GOLGA5: variants seen among roughly 807,000 people sequenced by gnomAD.
GOLGA5 encodes golgin subfamily A member 5.
In GOLGA5, 50 loss-of-function variants were observed where a neutral mutation model predicts 93.5. The observed-to-expected ratio is 0.53, with a 90% CI of 0.43 to 0.68. The LOEUF (loss-of-function observed/expected upper bound fraction) is 0.68, where lower values mean the gene tolerates loss of function less well. Among genes scored for constraint, GOLGA5 ranks in the 30% least tolerant of loss-of-function variants. The pLI is 0.00. For synonymous variants in GOLGA5, 312 were observed against 304.5 expected (o/e 1.02, Z -0.26); for missense variants, 760 against 856.4 (o/e 0.89, Z 1.40).
intron 6 of GOLGA5, among the ~76,000 whole-genome samples, chr14:92,815,480 G>C (rs1885183269): frequency 6.6e-6 from 1 of 152,094 alleles, no homozygotes; most frequent in African/African-American, 2.4e-5. Context: ...AGAACACTTA[G>C]CACCATTTAC....
At chr14:92,835,803 A>G in intron 11 of GOLGA5, 139 bp downstream of exon 11, 1 of 504,492 alleles carries the variant, frequency 2.0e-6, no homozygotes. Context: ...ATACTTATAT[A>G]CACTTTTATT....
At chr14:92,805,365 G>A (rs1383240174) in intron 2 of GOLGA5, among the ~76,000 whole-genome samples, 7 of 151,694 alleles carry the variant, frequency 4.6e-5, no homozygotes, top group African/African-American at 7.3e-5. Flanking sequence ...TCTATTATAC[G>A]GCTGTACCAC....
intron 2 of GOLGA5, among the ~76,000 whole-genome samples, chr14:92,800,771 A>G (rs746864673): frequency 7.2e-5 from 11 of 152,334 alleles, no homozygotes; most frequent in Non-Finnish European, 1.3e-4. Flanking sequence ...GTGTGATGCT[A>G]GTAGAGATCT....
chr14:92,822,660 C>T (rs2140328458), intron 8 of GOLGA5, among the ~76,000 whole-genome samples: 1 of 152,228 alleles, frequency 6.6e-6, no homozygotes, highest in South Asian at 2.1e-4. Context: ...TGTTGCCATG[C>T]AGAAGTTGAT....
In GOLGA5 at chr14:92,806,784, C is replaced by T. The variant is rs1228295574; in HGVS notation, c.593C>T (p.Ser198Leu). 2 of 1,613,934 alleles carry T rather than the reference C, an allele frequency of 1.2e-6. No individual in the cohort carries two copies. Among genetic ancestry groups the T allele is most frequent in the African/African-American group, 1.3e-5 (1 of 75,034 alleles). The change falls in exon 3 of 13, where the codon TCA becomes TTA. Residue 198 changes from serine (S) to leucine (L), a missense_variant. Coordinates refer to ENST00000163416, the MANE Select transcript of GOLGA5 (RefSeq NM_005113.4). ...DSSHEGQEES[S>L]KENVSSNAAC... is the part of the protein sequence containing the mutation. ...AGCCATGAAGGTCAAGAGGAATCTT[C>T]AAAGGAAAATGTGTCATCAAATGCT...
rs891447266 is a variant in GOLGA5 at position 92,797,754 on chromosome 14, C to T, written c.317C>T (p.Pro106Leu). The T allele has an allele frequency of 3.1e-6, 5 of 1,613,206 alleles. No homozygotes were observed. Among genetic ancestry groups the T allele is most frequent in the South Asian group, 2.2e-5 (2 of 91,014 alleles). The change falls in exon 2 of 13, where the codon CCT becomes CTT. Residue 106 changes from proline to leucine, a missense_variant. Transcript: ENST00000163416. ...GTTGAAAATGCATCTGTTCCTAGGC[C>T]TTCATCCCATTTTGTGCGAAGAAAA... ...HPVENASVPRPSSHFVRRKKS... is the reference protein window; with the variant it reads ...HPVENASVPRLSSHFVRRKKS...
chr14:92,824,849 T>G (rs945885888), intron 9 of GOLGA5, among the ~76,000 whole-genome samples: 7 of 152,232 alleles, frequency 4.6e-5, no homozygotes, highest in African/African-American at 1.4e-4. Flanking sequence ...TTGCTTCTTA[T>G]AGAAGTATCT....
intron 1 of GOLGA5, 141 bp downstream of exon 1, chr14:92,794,597 G>A (rs1884677538): frequency 6.6e-6 from 1 of 152,502 alleles, no homozygotes; most frequent in Non-Finnish European, 1.5e-5. Flanking sequence ...AGGGGCTGAG[G>A]AGGGTAACTG....
chr14:92,806,485 G>A (rs1884988578), intron 2 of GOLGA5, among the ~76,000 whole-genome samples: 1 of 151,998 alleles, frequency 6.6e-6, no homozygotes, highest in African/African-American at 2.4e-5. Flanking sequence ...GCTAATTTTT[G>A]TATTTTTGGT....
chr14:92,831,959 T>C (rs1885540147), intron 9 of GOLGA5, among the ~76,000 whole-genome samples: 1 of 152,186 alleles, frequency 6.6e-6, no homozygotes, highest in Admixed American at 6.5e-5. Context: ...AGCTAGGAAA[T>C]GTCAGAGCTG....
At chr14:92,812,632 A>C (rs1030130480) in intron 6 of GOLGA5, among the ~76,000 whole-genome samples, 1 of 152,110 alleles carries the variant, frequency 6.6e-6, no homozygotes, top group Non-Finnish European at 1.5e-5. Context: ...GACCTAAATA[A>C]ATATTCTCTG....
chr14:92,797,156 C>G (rs1223686869), intron 1 of GOLGA5, among the ~76,000 whole-genome samples: 1 of 151,812 alleles, frequency 6.6e-6, no homozygotes, highest in African/African-American at 2.4e-5. Context: ...TTATTATGTG[C>G]CAAGCATTTT....
chr14:92,837,360 T>TC, intron 11 of GOLGA5, 26 bp from the exon 12 acceptor site: 2 of 1,197,700 alleles, frequency 1.7e-6, no homozygotes, highest in Non-Finnish European at 2.4e-6. Context: ...CTCTCTCCTC[T>TC]CCCCCTCACA....
intron 6 of GOLGA5, among the ~76,000 whole-genome samples, chr14:92,812,804 A>G (rs892651240): frequency 7.2e-5 from 11 of 151,954 alleles, no homozygotes; most frequent in African/African-American, 2.7e-4. Flanking sequence ...GCTCTTCCCA[A>G]TCTCCAAAGA....
intron 8 of GOLGA5, among the ~76,000 whole-genome samples, chr14:92,822,554 T>G (rs1885337347): frequency 6.6e-6 from 1 of 152,228 alleles, no homozygotes; most frequent in Non-Finnish European, 1.5e-5. Flanking sequence ...TTAGCCTTTT[T>G]GGGGAGATTA....
chr14:92,807,750 G>A (rs766143873), intron 3 of GOLGA5, among the ~76,000 whole-genome samples: 11 of 152,206 alleles, frequency 7.2e-5, no homozygotes, highest in Non-Finnish European at 1.0e-4. Context: ...TAATTAAGAA[G>A]GAAATAATCT....
In GOLGA5 at chr14:92,827,738, G is replaced by A. The variant is rs147920782; in HGVS notation, c.1719+3094G>A. 3.6e-3 allele frequency among the ~76,000 whole-genome samples: 544 copies of A among 152,304 alleles called. 3 individuals carry two copies. The highest frequency in any genetic ancestry group is 0.012 in the African/African-American group (512 of 41,570). ...CAGTCAGCCAAGTTTTAAATGCAAA[G>A]GAAAAGTTCTTGAAGGAAATTAAAA... On this transcript the variant is annotated intron_variant, in intron 9 of 12. Coordinates refer to ENST00000163416, the MANE Select transcript of GOLGA5 (RefSeq NM_005113.4).
chr14:92,826,115 G>A (rs1367755045), intron 9 of GOLGA5, among the ~76,000 whole-genome samples: 1 of 152,084 alleles, frequency 6.6e-6, no homozygotes, highest in African/African-American at 2.4e-5. Context: ...TGATCACCCC[G>A]CTGTACTCTA....
chr14:92,801,339 T>C (rs181569028), intron 2 of GOLGA5, among the ~76,000 whole-genome samples: 2 of 152,370 alleles, frequency 1.3e-5, no homozygotes, highest in Non-Finnish European at 2.9e-5. Flanking sequence ...TTTGACTTTT[T>C]ACTTTTTGCT....
Sources: allele counts gnomAD v4.1 joint callset (sites outside exome capture counted in the v4.1 genomes callset), GRCh38; gene constraint gnomAD v4.1.1; transcripts MANE v1.5; gene names NCBI Gene and HGNC (gene_info 2026-07-23, HGNC 2026-07-21).